CACNA1A: variants seen among roughly 807,000 people sequenced by gnomAD.
The protein encoded by CACNA1A is voltage-dependent P/Q-type calcium channel subunit alpha-1A.
In CACNA1A, 57 loss-of-function variants were observed where a neutral mutation model predicts 262.4. The observed-to-expected ratio is 0.22, with a 90% CI of 0.18 to 0.27. CACNA1A has a LOEUF of 0.27. CACNA1A is among the 10% of genes least tolerant of loss of function. The pLI is 1.00. For synonymous variants in CACNA1A, 1,431 were observed against 1,419.3 expected, an observed-to-expected ratio of 1.01 and a Z score of -0.18; for missense variants, 2,526 against 3,562.8, an observed-to-expected ratio of 0.71 and a Z score of 7.41.
intron 5 of CACNA1A, among the ~76,000 whole-genome samples, chr19:13,360,024 G>GTT (rs200920495): frequency 1.0e-3 from 145 of 140,486 alleles, no homozygotes; most frequent in Admixed American, 3.3e-3. Context: ...TTTTCCATGA[G>GTT]TTTTTTTTTT....
intron 3 of CACNA1A, among the ~76,000 whole-genome samples, chr19:13,391,891 G>A (rs2059715791): frequency 6.6e-6 from 1 of 151,996 alleles, no homozygotes; most frequent in African/African-American, 2.4e-5. Flanking sequence ...ACAAAAATTA[G>A]CCAGGCATGG....
chr19:13,324,286 C>T (rs1037608891), intron 10 of CACNA1A, among the ~76,000 whole-genome samples: 6 of 152,158 alleles, frequency 3.9e-5, no homozygotes, highest in East Asian at 3.9e-4. Context: ...GTATAAGTTG[C>T]AGTTAGACTG....
intron 1 of CACNA1A, among the ~76,000 whole-genome samples, chr19:13,457,275 CAACAACAAAAA>C (rs1379130790): frequency 2.6e-5 from 4 of 151,848 alleles, no homozygotes; most frequent in Non-Finnish European, 5.9e-5. Flanking sequence ...ACAAAAACAA[CAACAACAAAAA>C]AACACCAGTG....
chr19:13,261,479 G>A lies in CACNA1A; in HGVS notation c.4221C>T (p.Asp1407=), dbSNP rs201200430. 1.9e-4 allele frequency: 297 copies of A among 1,582,532 alleles called. 1 individual carries two copies. The Admixed American group carries it at 2.1e-3, about 11-fold the overall frequency. The change falls in exon 26 of 47, where the codon GAC becomes GAT. Residue 1407 remains aspartate (D), a synonymous_variant. Transcript: ENST00000360228. ...AATCTTTCTCAAACTCTTTGGACTC[G>A]TCAGTGCAGTGGAAGAATTTCCCCT... ...LFKGKFFHCT[D]ESKEFEKDCR...
At chr19:13,355,337 T>A (rs1295336738) in intron 6 of CACNA1A, among the ~76,000 whole-genome samples, 1 of 152,190 alleles carries the variant, frequency 6.6e-6, no homozygotes, top group South Asian at 2.1e-4. Flanking sequence ...TCTGCTAACA[T>A]CTTGGGGTTG....
chr19:13,477,915 G>A lies in CACNA1A; in HGVS notation c.294-22703C>T, dbSNP rs369061536. ...CTTTGCACTCAACCATGGGCCCCCTGGGCTCAGAGACCTCGTGACAGTCAT... is the reference window on the plus strand; with the variant it reads ...CTTTGCACTCAACCATGGGCCCCCTAGGCTCAGAGACCTCGTGACAGTCAT... On this transcript the variant is annotated intron_variant, in intron 1 of 46. Transcript: ENST00000360228. Among the ~76,000 whole-genome samples the A allele has an allele frequency of 2.5e-4, 38 of 152,236 alleles. No homozygotes were observed. In the East Asian group the frequency reaches 5.0e-3, roughly 20 times the overall value.
In CACNA1A at chr19:13,401,540, G is replaced by A. The variant is rs189960884; in HGVS notation, c.540-29761C>T. On this transcript the variant is annotated intron_variant, in intron 3 of 46. Coordinates refer to ENST00000360228, the MANE Select transcript of CACNA1A (RefSeq NM_001127222.2). The stretch of plus-strand genomic sequence containing the variant: ...GGACTGGGAAATGGCAGCCTAATCA[G>A]AGACTACATTTCCCAGCCTCCCATG... Among the ~76,000 whole-genome samples the A allele has an allele frequency of 1.1e-4, 16 of 152,282 alleles. No homozygotes were observed. In the East Asian group the frequency reaches 3.1e-3, roughly 29 times the overall value.
chr19:13,224,534 T>G, intron 38 of CACNA1A, 133 bp downstream of exon 38: 1 of 609,932 alleles, frequency 1.6e-6, no homozygotes, highest in Non-Finnish European at 2.9e-6. Flanking sequence ...CAAAAAACCC[T>G]GTGGAACGAA....
In CACNA1A at chr19:13,506,116, G is replaced by C. The variant is rs780987148; in HGVS notation, c.109C>G (p.Arg37Gly). The part of the protein sequence containing the change: ...SGGGRGAGGS[R>G]QGGQPGAQRM... ...TGCGCCCCGGGCTGCCCGCCCTGCC[G>C]GCTGCCCCCGGCTCCTCGCCCGCCT... Residue 37 changes from arginine (R) to glycine (G), a missense_variant, in exon 1 of 47, where the codon CGG becomes GGG. This residue lies in a region of CACNA1A where 65 missense variants were observed against 75.6 expected (regional missense o/e 0.86). Transcript: ENST00000360228. 6.2e-7 allele frequency: 1 copy of C among 1,608,802 alleles called. No individual in the cohort carries two copies. Among genetic ancestry groups the C allele is most frequent in the South Asian group, 1.1e-5 (1 of 90,540 alleles).
chr19:13,261,380 T>C, intron 26 of CACNA1A, 70 bp downstream of exon 26: 1 of 1,370,626 alleles, frequency 7.3e-7, no homozygotes, highest in Non-Finnish European at 1.0e-6. Context: ...AAGTGGCCAA[T>C]GCCTCTAGCC....
intron 19 of CACNA1A, among the ~76,000 whole-genome samples, chr19:13,289,720 C>G (rs1022149986): frequency 1.3e-5 from 2 of 152,066 alleles, no homozygotes; most frequent in Admixed American, 6.6e-5. Flanking sequence ...GAGGATTATT[C>G]TCAGGCCTTG....
chr19:13,241,513 A>AG lies in CACNA1A; in HGVS notation c.4950+3668dup, dbSNP rs2056081501. 1.4e-6 allele frequency: 2 copies of AG among 1,380,510 alleles called. No individual in the cohort carries two copies. Among genetic ancestry groups the AG allele is most frequent in the African/African-American group, 2.9e-5 (2 of 68,200 alleles). 85.5% of individuals were successfully genotyped at this position (1,380,510 alleles called of 1,614,324 possible). ...GGCATTTAGACTTCAGAAAGAAGTAAGACCAACCGGATTCTAGATGCAGAT... is the reference window on the plus strand; with the variant it reads ...GGCATTTAGACTTCAGAAAGAAGTAAGGACCAACCGGATTCTAGATGCAGAT... On this transcript the variant is annotated intron_variant, in intron 31 of 46. Transcript: ENST00000360228. This position sits in a 1 kb window ranked among gnomAD's most constrained non-coding sequence, Gnocchi z 4.0.
At chr19:13,255,817 C>T (rs2056548810) in intron 28 of CACNA1A, among the ~76,000 whole-genome samples, 1 of 131,534 alleles carries the variant, frequency 7.6e-6, no homozygotes, top group East Asian at 2.4e-4. Flanking sequence ...TTCCTTTTTC[C>T]TTCCTTCCCT....
chr19:13,259,780 G>C (rs1358179876), intron 26 of CACNA1A, 79 bp from the exon 27 acceptor site: 1 of 1,502,428 alleles, frequency 6.7e-7, no homozygotes, highest in Admixed American at 1.9e-5. Context: ...CAGAGACAGG[G>C]GGAGGGAAAG....
intron 24 of CACNA1A, chr19:13,275,407 C>G (rs1350378149): frequency 5.5e-6 from 1 of 180,816 alleles, no homozygotes; most frequent in Non-Finnish European, 1.2e-5. Context: ...AGGGAGTCAC[C>G]AGGTCTACAA....
chr19:13,371,458 T>TA (rs2059321770), intron 4 of CACNA1A: 2 of 533,018 alleles, frequency 3.8e-6, no homozygotes, highest in South Asian at 2.9e-5. Flanking sequence ...TGGCTCCCGA[T>TA]AGACAGTAGG....
intron 24 of CACNA1A, among the ~76,000 whole-genome samples, chr19:13,271,135 G>T (rs2144810886): frequency 6.7e-6 from 1 of 149,650 alleles, no homozygotes; most frequent in East Asian, 2.0e-4. Context: ...CAATTTGAAT[G>T]CCCTTGTATA....
chr19:13,356,251 G>A (rs149270852), intron 6 of CACNA1A, among the ~76,000 whole-genome samples: 7 of 152,282 alleles, frequency 4.6e-5, no homozygotes, highest in East Asian at 1.9e-4. Flanking sequence ...AGGTCACCCC[G>A]GGCCAGGATC....
At chr19:13,254,283 G>GT (rs941224736) in intron 29 of CACNA1A, among the ~76,000 whole-genome samples, 60 of 151,310 alleles carry the variant, frequency 4.0e-4, no homozygotes, top group Middle Eastern at 3.4e-3. Flanking sequence ...GGTTTTCAGA[G>GT]TTTTTTTTTG....
Sources: gnomAD v4.1 joint callset for allele counts (sites outside exome capture counted in the v4.1 genomes callset) on GRCh38, gnomAD v4.1.1 for gene constraint, gnomAD v4.1.1 regional missense constraint, Gnocchi (gnomAD v3.1) non-coding constraint, MANE v1.5 for transcripts, NCBI Gene and HGNC (gene_info 2026-07-23, HGNC 2026-07-21) for gene names.